Variants in RIC1 observed in about 807,000 individuals in gnomAD.
RIC1 encodes the protein RIC1 partner of RAB6A GEF complex, also known as guanine nucleotide exchange factor subunit RIC1.
RIC1 carries 88 observed loss-of-function variants against 169.0 expected under a neutral mutation model. That is an observed-to-expected ratio of 0.52 (90% CI 0.44 to 0.62). The LOEUF is 0.62. Among genes scored for constraint, RIC1 ranks in the 20% least tolerant of loss-of-function variants. The pLI is 0.00. For synonymous variants in RIC1, 790 were observed against 601.5 expected, an observed-to-expected ratio of 1.31 and a Z score of -4.59; for missense variants, 1,877 against 1,725.5, an observed-to-expected ratio of 1.09 and a Z score of -1.56.
chr9:5,650,916 T>C (rs767330959), intron 1 of RIC1, among the ~76,000 whole-genome samples: 4 of 152,116 alleles, frequency 2.6e-5, no homozygotes, highest in Non-Finnish European at 5.9e-5. Flanking sequence ...GCAGGGAATG[T>C]TAGTAGGGCT....
Position 5,682,615 on chromosome 9 carries a change from C to G in RIC1, c.253-7344C>G, listed in dbSNP as rs372383735. Among the ~76,000 whole-genome samples the G allele has an allele frequency of 1.1e-4, 17 of 152,072 alleles. No individual in the cohort carries two copies. The South Asian group carries it at 2.3e-3, about 20-fold the overall frequency. ...CATTTTTTCCTTCATTTCAACTTTG[C>G]TGAATCTGACAATTATGTGTCTTGG... On this transcript the variant is annotated intron_variant, in intron 2 of 25. Coordinates refer to ENST00000414202, the MANE Select transcript of RIC1 (RefSeq NM_020829.4).
chr9:5,684,544 G>A (rs567531010), intron 2 of RIC1, among the ~76,000 whole-genome samples: 90 of 151,552 alleles, frequency 5.9e-4, no homozygotes, highest in Non-Finnish European at 1.0e-3. Context: ...TTTTCTAATT[G>A]TTCTTATTAG....
intron 12 of RIC1, among the ~76,000 whole-genome samples, chr9:5,749,672 G>T (rs1228358414): frequency 6.8e-6 from 1 of 146,012 alleles, no homozygotes; most frequent in African/African-American, 2.5e-5. Flanking sequence ...CAGATTGGAA[G>T]ATTCTATGTT....
intron 3 of RIC1, among the ~76,000 whole-genome samples, chr9:5,703,166 G>C (rs963055498): frequency 2.1e-4 from 32 of 152,100 alleles, no homozygotes; most frequent in African/African-American, 7.0e-4. Flanking sequence ...AGTCTCTTCT[G>C]CCTATGAGCC....
intron 8 of RIC1, among the ~76,000 whole-genome samples, chr9:5,740,001 A>G (rs1269592705): frequency 6.6e-6 from 1 of 152,138 alleles, no homozygotes; most frequent in Admixed American, 6.5e-5. Flanking sequence ...TCTATAGGAG[A>G]TAAGACCCTC....
intron 3 of RIC1, among the ~76,000 whole-genome samples, chr9:5,691,134 T>C (rs1040087436): frequency 3.3e-5 from 5 of 151,978 alleles, no homozygotes; most frequent in South Asian, 2.1e-4. Flanking sequence ...TATAGTGATA[T>C]GTAGTCATTA....
intron 4 of RIC1, among the ~76,000 whole-genome samples, chr9:5,714,851 G>A (rs931549027): frequency 1.3e-5 from 2 of 152,074 alleles, no homozygotes; most frequent in African/African-American, 4.8e-5. Context: ...TTTTTATTGT[G>A]TACTCTTTTT....
intron 1 of RIC1, among the ~76,000 whole-genome samples, chr9:5,633,323 C>G (rs1243517904): frequency 6.6e-6 from 1 of 152,102 alleles, no homozygotes; most frequent in African/African-American, 2.4e-5. Flanking sequence ...TTACTTTCTC[C>G]AGAGAGCCTT....
At chr9:5,765,300 C>T (rs950330859) in intron 19 of RIC1, 114 bp from the exon 20 acceptor site, 1 of 1,089,488 alleles carries the variant, frequency 9.2e-7, no homozygotes, top group Non-Finnish European at 1.3e-6. Flanking sequence ...ATTAAACTAA[C>T]CCCTGTGGTG....
chr9:5,760,170 A>G (rs1826243413), intron 17 of RIC1, among the ~76,000 whole-genome samples: 1 of 152,218 alleles, frequency 6.6e-6, no homozygotes, highest in South Asian at 2.1e-4. Flanking sequence ...TCTCCATGAG[A>G]GTGAGCTCCT....
intron 6 of RIC1, among the ~76,000 whole-genome samples, chr9:5,731,636 A>G (rs1824374887): frequency 6.6e-6 from 1 of 152,176 alleles, no homozygotes; most frequent in Non-Finnish European, 1.5e-5. Flanking sequence ...CAAACAACTG[A>G]GCTGAATCTA....
chr9:5,769,622 G>A (rs987386728), intron 22 of RIC1: 2 of 423,096 alleles, frequency 4.7e-6, no homozygotes. Flanking sequence ...CATTCCAGGG[G>A]AACAGTAAGG....
At position 5,756,473 on chromosome 9, in the gene RIC1, C is replaced by A. The variant is rs892942707; in HGVS notation, c.1853+101C>A. 7.8e-6 allele frequency: 6 copies of A among 767,214 alleles called. No individual in the cohort carries two copies. The East Asian group carries it at 1.5e-4, about 20-fold the overall frequency. The allele number at this position is 767,214 out of a possible 1,614,324, so 47.5% of individuals were successfully genotyped here. A position where few individuals can be genotyped will look rare whatever the true frequency, so the allele number is the denominator to read the frequency against. ...AAAACAGTTATTCCACTTTTATATT[C>A]AATCTTGTTTTTGTTAGAGGTAAAA... On this transcript the variant is annotated intron_variant, in intron 16 of 25. Coordinates refer to ENST00000414202, the MANE Select transcript of RIC1 (RefSeq NM_020829.4).
At chr9:5,765,610 C>T (rs1008332367) in intron 20 of RIC1, 38 bp downstream of exon 20, 13 of 1,613,888 alleles carry the variant, frequency 8.1e-6, no homozygotes, top group Non-Finnish European at 1.1e-5. Context: ...CTAGGCCATA[C>T]ACCCACGTAG....
intron 2 of RIC1, among the ~76,000 whole-genome samples, chr9:5,660,993 A>G (rs1340476117): frequency 6.6e-6 from 1 of 152,060 alleles, no homozygotes; most frequent in African/African-American, 2.4e-5. Flanking sequence ...TCTTTAATCA[A>G]TCTTGAGTTC....
chr9:5,717,391 C>G (rs959840894), intron 4 of RIC1, among the ~76,000 whole-genome samples: 3 of 152,116 alleles, frequency 2.0e-5, no homozygotes, highest in Admixed American at 2.0e-4. Flanking sequence ...CAAGGAAAAT[C>G]ACTGGTAAAC....
intron 2 of RIC1, among the ~76,000 whole-genome samples, chr9:5,666,527 A>C (rs1342339257): frequency 2.6e-5 from 4 of 151,828 alleles, no homozygotes; most frequent in Non-Finnish European, 5.9e-5. Flanking sequence ...TAGGTTTTTC[A>C]TATATGGTCT....
At chr9:5,752,864 C>G (rs562431140) in intron 12 of RIC1, among the ~76,000 whole-genome samples, 19 of 152,228 alleles carry the variant, frequency 1.2e-4, no homozygotes, top group African/African-American at 4.1e-4. Context: ...TCAGCAAACC[C>G]AAACTGTTCA....
At chr9:5,677,204 T>C (rs1358286034) in intron 2 of RIC1, among the ~76,000 whole-genome samples, 1 of 152,252 alleles carries the variant, frequency 6.6e-6, no homozygotes, top group Non-Finnish European at 1.5e-5. Flanking sequence ...TATGCCTTTT[T>C]AATTTTAGTC....
Sources: gnomAD v4.1 joint callset for allele counts (sites outside exome capture counted in the v4.1 genomes callset) on GRCh38, gnomAD v4.1.1 for gene constraint, MANE v1.5 for transcripts, NCBI Gene and HGNC (gene_info 2026-07-23, HGNC 2026-07-21) for gene names.